The following DLGAP4 variants were observed in gnomAD, a reference collection of about 807,000 sequenced individuals.
The protein encoded by DLGAP4 is DLG associated protein 4.
Under a neutral mutation model 86.9 loss-of-function variants are expected in DLGAP4, and 18 were observed. That is an observed-to-expected ratio of 0.21 (90% CI 0.14 to 0.31). DLGAP4 has a LOEUF of 0.31. DLGAP4 is among the 10% of genes least tolerant of loss of function. DLGAP4 has a pLI of 1.00. For synonymous variants in DLGAP4, 548 were observed against 574.3 expected, an observed-to-expected ratio of 0.95 and a Z score of 0.65; for missense variants, 1,085 against 1,362.6, an observed-to-expected ratio of 0.80 and a Z score of 3.21.
chr20:36,506,104 T>A (rs1384541107), intron 10 of DLGAP4, among the ~76,000 whole-genome samples: 2 of 152,180 alleles, frequency 1.3e-5, no homozygotes, highest in African/African-American at 4.8e-5. Context: ...TTACAGCACA[T>A]CTTAATTCAG....
intron 4 of DLGAP4, among the ~76,000 whole-genome samples, chr20:36,437,642 T>G (rs941421478): frequency 3.3e-5 from 5 of 152,030 alleles, no homozygotes; most frequent in Non-Finnish European, 4.4e-5. Context: ...TTGGAGGAGT[T>G]AGAGGGAACA....
intron 2 of DLGAP4, among the ~76,000 whole-genome samples, chr20:36,400,763 G>A (rs1006869946): frequency 6.6e-6 from 1 of 151,714 alleles, no homozygotes; most frequent in African/African-American, 2.4e-5. Flanking sequence ...GGAGTGGGGG[G>A]AATCTGGGGG....
chr20:36,476,050 G>C (rs1033051655), intron 7 of DLGAP4, among the ~76,000 whole-genome samples: 1 of 151,876 alleles, frequency 6.6e-6, no homozygotes, highest in Non-Finnish European at 1.5e-5. Flanking sequence ...GTAGAGACAG[G>C]GTTTCACCAT....
intron 1 of DLGAP4, among the ~76,000 whole-genome samples, chr20:36,335,182 A>T (rs868954583): frequency 2.3e-4 from 35 of 152,218 alleles, no homozygotes; most frequent in Middle Eastern, 3.4e-3. Flanking sequence ...TGGGGAGACT[A>T]GGGGACCCTG....
intron 1 of DLGAP4, among the ~76,000 whole-genome samples, chr20:36,346,052 C>T (rs6028254): frequency 0.038 from 5,803 of 152,238 alleles, 376 homozygotes; most frequent in African/African-American, 0.13. Flanking sequence ...CCACCATGCC[C>T]ACCCTCACAT....
At chr20:36,525,247 AAAAAAAACAAAGAAAT>A (rs2037661391) in intron 11 of DLGAP4, among the ~76,000 whole-genome samples, 1 of 75,656 alleles carries the variant, frequency 1.3e-5, no homozygotes, top group Non-Finnish European at 3.8e-5. Context: ...AAAAAAAAAA[AAAAAAAACAAAGAAAT>A]CCCACTGCTG....
intron 1 of DLGAP4, among the ~76,000 whole-genome samples, chr20:36,321,622 AGTGCTT>A (rs2065169610): frequency 6.6e-6 from 1 of 152,264 alleles, no homozygotes; most frequent in South Asian, 2.1e-4. Context: ...AGGAGGGCTC[AGTGCTT>A]GTGAGCTGGG....
At chr20:36,510,003 T>C (rs1286642133) in intron 10 of DLGAP4, among the ~76,000 whole-genome samples, 1 of 150,406 alleles carries the variant, frequency 6.6e-6, no homozygotes, top group South Asian at 2.1e-4. Flanking sequence ...ATTACAGGCA[T>C]GCGCCACCAC....
intron 7 of DLGAP4, chr20:36,461,662 C>CCCCCCCG: frequency 1.7e-5 from 4 of 241,774 alleles, no homozygotes; most frequent in Non-Finnish European, 2.5e-5. Context: ...GGGGCCGCCC[C>CCCCCCCG]GCCCGGCCCG....
intron 1 of DLGAP4, among the ~76,000 whole-genome samples, chr20:36,316,784 AG>A (rs2065104693): frequency 7.5e-4 from 114 of 152,180 alleles, no homozygotes; most frequent in African/African-American, 2.6e-3. Context: ...ACAGCAGCCC[AG>A]GCCAGCCCGT....
intron 7 of DLGAP4, chr20:36,461,850 C>G (rs1282517109): frequency 1.0e-6 from 1 of 983,490 alleles, no homozygotes. Flanking sequence ...GGCTCGCTGT[C>G]TCTTTGTCTC....
chr20:36,352,477 T>G, intron 1 of DLGAP4, among the ~76,000 whole-genome samples: 1 of 151,330 alleles, frequency 6.6e-6, no homozygotes, highest in African/African-American at 2.4e-5. Flanking sequence ...GAGGGCCGGC[T>G]GGATTCTAGA....
intron 1 of DLGAP4, among the ~76,000 whole-genome samples, chr20:36,365,220 C>T (rs2030645041): frequency 6.6e-6 from 1 of 152,234 alleles, no homozygotes; most frequent in African/African-American, 2.4e-5. Context: ...GGCACCCTGC[C>T]GTGCTGGGCA....
chr20:36,515,281 C>T (rs2036970596), intron 10 of DLGAP4, among the ~76,000 whole-genome samples: 1 of 152,156 alleles, frequency 6.6e-6, no homozygotes, highest in South Asian at 2.1e-4. Context: ...CTGATCCATT[C>T]TGTTTTTCAG....
At chr20:36,353,172 G>A (rs552900640) in intron 1 of DLGAP4, among the ~76,000 whole-genome samples, 74 of 152,302 alleles carry the variant, frequency 4.9e-4, no homozygotes, top group African/African-American at 1.8e-3. Flanking sequence ...GGTACCCGAC[G>A]AGCTCAGAGC....
At chr20:36,420,493 T>C (rs1339366696) in intron 2 of DLGAP4, among the ~76,000 whole-genome samples, 1 of 152,012 alleles carries the variant, frequency 6.6e-6, no homozygotes, top group Admixed American at 6.6e-5. Flanking sequence ...AAGGACAGAA[T>C]GAAGACCCAA....
chr20:36,460,465 G>T (rs962585847), intron 7 of DLGAP4, among the ~76,000 whole-genome samples: 1 of 152,198 alleles, frequency 6.6e-6, no homozygotes. Context: ...CATGACAGTG[G>T]TATTGGAAAC....
intron 2 of DLGAP4, among the ~76,000 whole-genome samples, chr20:36,400,925 A>G (rs1315324830): frequency 1.3e-5 from 2 of 152,118 alleles, no homozygotes; most frequent in East Asian, 3.9e-4. Context: ...GCGGGGAATC[A>G]GAGGTGAGGG....
In DLGAP4 at chr20:36,442,560, C is replaced by T. The variant is rs150906645; in HGVS notation, c.1357-167C>T. 6.6e-3 allele frequency among the ~76,000 whole-genome samples: 1,000 copies of T among 152,294 alleles called. 11 individuals carry two copies. Among genetic ancestry groups the T allele is most frequent in the Admixed American group, 0.02 (310 of 15,294 alleles). Reference sequence around the variant, plus strand: ...GCCCAGCCCCAGAAGGAGTGAGCCTCCCATCCCTGGAAGAAGCCAAGTGAG... The same window carrying T: ...GCCCAGCCCCAGAAGGAGTGAGCCTTCCATCCCTGGAAGAAGCCAAGTGAG... On this transcript the variant is annotated intron_variant, in intron 5 of 12. Coordinates refer to ENST00000339266, the MANE Select transcript of DLGAP4 (RefSeq NM_001365621.2).
Sources: gnomAD v4.1 joint callset for allele counts (sites outside exome capture counted in the v4.1 genomes callset) on GRCh38, gnomAD v4.1.1 for gene constraint, MANE v1.5 for transcripts, NCBI Gene and HGNC (gene_info 2026-07-23, HGNC 2026-07-21) for gene names.